Variants in A1CF observed in about 807,000 individuals in gnomAD.
A1CF encodes APOBEC1 complementation factor, also known as APOBEC-1 stimulating protein.
Under a neutral mutation model 68.9 loss-of-function variants are expected in A1CF, and 48 were observed. That is an observed-to-expected ratio of 0.70 (90% confidence interval 0.55 to 0.89). The LOEUF (loss-of-function observed/expected upper bound fraction) is 0.89, where lower values mean the gene tolerates loss of function less well. Ranked by LOEUF, A1CF falls within the 40% of genes least tolerant of loss-of-function variation. A1CF has a pLI of 0.00. For missense variants in A1CF, 653 were observed against 718.9 expected, an observed-to-expected ratio of 0.91 and a Z score of 1.05; for synonymous variants, 272 against 260.4, an observed-to-expected ratio of 1.04 and a Z score of -0.43.
At chr10:50,860,897 G>A (rs1228811145) in intron 2 of A1CF, among the ~76,000 whole-genome samples, 1 of 152,286 alleles carries the variant, frequency 6.6e-6, no homozygotes, top group East Asian at 1.9e-4. Context: ...GCCACACTGG[G>A]TTCTAGTTAT....
In A1CF at chr10:50,804,730, AT is replaced by A. The variant is rs1233568385; in HGVS notation, c.*1998del. ...TTGGCTATTTGTCTTAACTTAGATG[AT>A]TTTTTAATTGCATTTTTCTATTTAC... On this transcript the variant is annotated 3_prime_UTR_variant, in exon 13 of 13. Coordinates refer to ENST00000373997, the MANE Select transcript of A1CF (RefSeq NM_014576.4). 3.3e-5 allele frequency: 5 copies of A among 152,184 alleles called. No homozygotes were observed. The highest frequency in any genetic ancestry group is 1.2e-4 in the African/African-American group (5 of 41,458). 9.4% of individuals were successfully genotyped at this position (152,184 alleles called of 1,614,324 possible). A position where few individuals can be genotyped will look rare whatever the true frequency, so the allele number is the denominator to read the frequency against.
At position 50,844,079 on chromosome 10, in the gene A1CF, T is replaced by A; in HGVS notation, c.143A>T (p.Asp48Val). The A allele has an allele frequency of 6.2e-7, 1 of 1,613,162 alleles. No homozygotes were observed. The highest frequency in any genetic ancestry group is 2.2e-5 in the East Asian group (1 of 44,832). Reference protein sequence around the residue: ...RKYGGPPPGWDAAPPERGCEI... With the variant: ...RKYGGPPPGWVAAPPERGCEI... Reference sequence around the variant, plus strand: ...ACAGCCCCTTTCAGGGGGTGCAGCATCCCAACCAGGTGGAGGGCCACCATA... The same window carrying A: ...ACAGCCCCTTTCAGGGGGTGCAGCAACCCAACCAGGTGGAGGGCCACCATA... The change falls in exon 4 of 13, where the codon GAT becomes GTT. Residue 48 changes from aspartate to valine, a missense_variant. Asp to Val is a radical substitution (Grantham distance 152). Transcript: ENST00000373997.
chr10:50,871,616 A>T (rs1841270015), intron 1 of A1CF, among the ~76,000 whole-genome samples: 1 of 152,086 alleles, frequency 6.6e-6, no homozygotes, highest in Non-Finnish European at 1.5e-5. Flanking sequence ...ATAGAAATAG[A>T]GAACCAGATT....
At chr10:50,838,049 T>C (rs1839594409) in intron 5 of A1CF, among the ~76,000 whole-genome samples, 1 of 152,226 alleles carries the variant, frequency 6.6e-6, no homozygotes, top group South Asian at 2.1e-4. Flanking sequence ...TGTTACATAT[T>C]AGGCTATATG....
chr10:50,827,076 G>A (rs191274674), intron 7 of A1CF, among the ~76,000 whole-genome samples: 3 of 152,238 alleles, frequency 2.0e-5, no homozygotes, highest in East Asian at 3.9e-4. Flanking sequence ...TCAACAAGAC[G>A]AGCTAACTAT....
intron 8 of A1CF, among the ~76,000 whole-genome samples, chr10:50,818,558 C>T (rs894945996): frequency 6.6e-6 from 1 of 151,994 alleles, no homozygotes; most frequent in African/African-American, 2.4e-5. Flanking sequence ...TGTTCCTTCC[C>T]AGCAATCATC....
At chr10:50,864,244 T>C (rs906275359) in intron 1 of A1CF, among the ~76,000 whole-genome samples, 164 bp from the exon 2 acceptor site, 2 of 152,190 alleles carry the variant, frequency 1.3e-5, no homozygotes, top group Non-Finnish European at 2.9e-5. Context: ...CTGTGCAACA[T>C]ATTGTTGTGA....
At chr10:50,875,855 C>T (rs1008498394) in intron 1 of A1CF, among the ~76,000 whole-genome samples, 1 of 152,164 alleles carries the variant, frequency 6.6e-6, no homozygotes, top group Non-Finnish European at 1.5e-5. Flanking sequence ...ATTCTCCTGC[C>T]CCAAATCCTT....
intron 5 of A1CF, among the ~76,000 whole-genome samples, chr10:50,837,656 C>G (rs548467765): frequency 5.9e-5 from 9 of 152,172 alleles, no homozygotes; most frequent in African/African-American, 2.2e-4. Context: ...CTAGTTCTTG[C>G]GTACTACATG....
At chr10:50,842,894 C>A (rs551086962) in intron 4 of A1CF, among the ~76,000 whole-genome samples, 4 of 152,154 alleles carry the variant, frequency 2.6e-5, no homozygotes. Flanking sequence ...AGGGCTAGGG[C>A]CTCCAGAGCA....
chr10:50,860,714 CA>C (rs1358090995), intron 2 of A1CF, among the ~76,000 whole-genome samples: 9 of 152,286 alleles, frequency 5.9e-5, no homozygotes, highest in Admixed American at 5.9e-4. Flanking sequence ...TGTATAATTT[CA>C]GCATTTCATT....
chr10:50,852,320 G>A (rs1404120925), intron 3 of A1CF, among the ~76,000 whole-genome samples: 1 of 152,186 alleles, frequency 6.6e-6, no homozygotes, highest in African/African-American at 2.4e-5. Context: ...TGTTCCTTGG[G>A]ATAATGAAGT....
Position 50,854,083 on chromosome 10 carries a change from CT to C in A1CF, c.99+5758del, listed in dbSNP as rs533145622. On this transcript the variant is annotated intron_variant, in intron 3 of 12. Coordinates refer to ENST00000373997, the MANE Select transcript of A1CF (RefSeq NM_014576.4). ...TTTTTTTCCATGATTTTTTTCTTTT[CT>C]TTTTTTTAACTCCTGACTGACCCTT... 4.6e-5 allele frequency among the ~76,000 whole-genome samples: 7 copies of C among 151,500 alleles called. No homozygotes were observed. In the South Asian group the frequency reaches 6.2e-4, roughly 14 times the overall value.
chr10:50,807,422 C>A (rs1430037222), intron 12 of A1CF, among the ~76,000 whole-genome samples: 3 of 152,076 alleles, frequency 2.0e-5, no homozygotes, highest in Non-Finnish European at 2.9e-5. Context: ...GTTAAGTGTG[C>A]TTTTCCATAA....
chr10:50,816,481 C>T, intron 8 of A1CF: 1 of 585,790 alleles, frequency 1.7e-6, no homozygotes, highest in Non-Finnish European at 3.0e-6. Flanking sequence ...CATAAGATGC[C>T]AACAGGTTTG....
chr10:50,853,215 C>T (rs1413827836), intron 3 of A1CF, among the ~76,000 whole-genome samples: 1 of 152,260 alleles, frequency 6.6e-6, no homozygotes, highest in African/African-American at 2.4e-5. Flanking sequence ...CTGCTGTAAT[C>T]TCACTAGATC....
chr10:50,811,584 G>T (rs527451281), intron 10 of A1CF, among the ~76,000 whole-genome samples: 1 of 152,258 alleles, frequency 6.6e-6, no homozygotes, highest in East Asian at 1.9e-4. Context: ...GATAGCCTAA[G>T]AATATATTTT....
At chr10:50,809,607 A>G (rs892531144) in intron 12 of A1CF, among the ~76,000 whole-genome samples, 5 of 152,184 alleles carry the variant, frequency 3.3e-5, no homozygotes, top group Admixed American at 6.5e-5. Flanking sequence ...CTCTCGTACT[A>G]AAAGTAAAAA....
At chr10:50,828,397 CTTG>C in intron 6 of A1CF, 102 bp from the exon 7 acceptor site, 1 of 889,430 alleles carries the variant, frequency 1.1e-6, no homozygotes, top group Non-Finnish European at 1.6e-6. Context: ...CCCTTGAGGT[CTTG>C]AATGAGCAAG....
Sources: gnomAD v4.1 joint callset for allele counts (sites outside exome capture counted in the v4.1 genomes callset) on GRCh38, gnomAD v4.1.1 for gene constraint, MANE v1.5 for transcripts, NCBI Gene and HGNC (gene_info 2026-07-23, HGNC 2026-07-21) for gene names.